The following CARD8 variants were observed in gnomAD, a reference collection of about 807,000 sequenced individuals.
The protein encoded by CARD8 is caspase recruitment domain family member 8, also known as caspase recruitment domain-containing protein 8.
In CARD8, 38 loss-of-function variants were observed where a neutral mutation model predicts 53.2. The observed-to-expected ratio is 0.71, with a 90% CI of 0.55 to 0.94. The LOEUF (loss-of-function observed/expected upper bound fraction) is 0.94. Among genes scored for constraint, CARD8 ranks in the 40% least tolerant of loss-of-function variants. The pLI, the probability that CARD8 is intolerant of heterozygous loss-of-function variation, is 0.00. For synonymous variants in CARD8, 245 were observed against 244.9 expected (o/e 1.00, Z 0.00); for missense variants, 561 against 655.5 (o/e 0.86, Z 1.57).
chr19:48,224,011 G>T, intron 10 of CARD8: 1 of 413,774 alleles, frequency 2.4e-6, no homozygotes. Flanking sequence ...ACCCAGGCTG[G>T]AGTATAGTGG....
rs1184431291 is a variant in CARD8 at position 48,215,325 on chromosome 19, A to C, written c.1348+15T>G. The C allele has an allele frequency of 1.2e-6, 2 of 1,600,588 alleles. No homozygotes were observed. Among genetic ancestry groups the C allele is most frequent in the Non-Finnish European group, 1.7e-6 (2 of 1,168,042 alleles). On this transcript the variant is annotated intron_variant, in intron 13 of 13. Transcript: ENST00000651546. Reference sequence around the variant, plus strand: ...TCATACATACCCTTGGCTTTAATGTAAACATTTCACTTACCTGAGAAAGGA... The same window carrying C: ...TCATACATACCCTTGGCTTTAATGTCAACATTTCACTTACCTGAGAAAGGA...
intron 3 of CARD8, among the ~76,000 whole-genome samples, chr19:48,245,373 C>T (rs905492779): frequency 4.6e-5 from 7 of 151,824 alleles, no homozygotes; most frequent in Non-Finnish European, 1.0e-4. Flanking sequence ...CCATGCCTGG[C>T]TAATTTTTTT....
At chr19:48,222,586 G>A (rs962878161) in intron 10 of CARD8, among the ~76,000 whole-genome samples, 61 of 152,228 alleles carry the variant, frequency 4.0e-4, no homozygotes, top group African/African-American at 1.4e-3. Context: ...CTACTCTGGA[G>A]GCTGAGGCAG....
At chr19:48,233,026 T>TTA in intron 6 of CARD8, 1 of 355,066 alleles carries the variant, frequency 2.8e-6, no homozygotes, top group South Asian at 2.2e-5. Context: ...ATGCGTAAAA[T>TTA]GTATGCATTT....
chr19:48,241,465 A>G (rs998466637), intron 3 of CARD8, among the ~76,000 whole-genome samples: 2 of 152,178 alleles, frequency 1.3e-5, no homozygotes, highest in African/African-American at 4.8e-5. Flanking sequence ...CATGTTGGTC[A>G]GGCTGGTCTC....
chr19:48,213,905 T>TGA (rs2038603513), intron 13 of CARD8, among the ~76,000 whole-genome samples: 1 of 152,202 alleles, frequency 6.6e-6, no homozygotes, highest in Non-Finnish European at 1.5e-5. Context: ...AAGTCCAAAA[T>TGA]ATTTCAACTT....
chr19:48,220,954 A>AAAGG (rs373278605), intron 11 of CARD8, among the ~76,000 whole-genome samples: 73 of 101,332 alleles, frequency 7.2e-4, no homozygotes, highest in Non-Finnish European at 1.2e-3. Context: ...AAAGGAAAGG[A>AAAGG]AAGGAAGGAA....
At chr19:48,206,378 G>T, downstream of CARD8, 1 of 448,668 alleles carries the variant, frequency 2.2e-6, no homozygotes, top group Non-Finnish European at 4.5e-6. Context: ...TTCAGGAAGC[G>T]CCTACCGTAT....
intron 10 of CARD8, among the ~76,000 whole-genome samples, chr19:48,225,573 A>T (rs2041602416): frequency 6.6e-6 from 1 of 152,150 alleles, no homozygotes; most frequent in Non-Finnish European, 1.5e-5. Context: ...TTAGGCAAAG[A>T]CTAGAAAGAG....
intron 10 of CARD8, among the ~76,000 whole-genome samples, chr19:48,222,832 CA>C (rs1459965287): frequency 2.0e-5 from 3 of 152,104 alleles, no homozygotes; most frequent in Non-Finnish European, 4.4e-5. Context: ...ATGCTAAAAA[CA>C]ATGACTGTCA....
chr19:48,223,803 T>C (rs1053960960), intron 10 of CARD8: 3 of 455,746 alleles, frequency 6.6e-6, no homozygotes, highest in South Asian at 3.1e-5. Flanking sequence ...TTCCATGTAA[T>C]ATCTTTGGTT....
chr19:48,220,621 A>G lies in CARD8; in HGVS notation c.1161+1109T>C, dbSNP rs574601016. Among the ~76,000 whole-genome samples the G allele has an allele frequency of 3.9e-5, 6 of 152,178 alleles. No individual in the cohort carries two copies. In the South Asian group the frequency reaches 8.3e-4, roughly 21 times the overall value. ...ACATATGCTGTGAGACATCTTTGAA[A>G]ATCTATTTGGGGCCAGGTGTGGTGG... On this transcript the variant is annotated intron_variant, in intron 11 of 13. Transcript: ENST00000651546.
rs756865136 is a variant in CARD8 at position 48,230,465 on chromosome 19, A to G, written c.1008T>C (p.Leu336=). ...TTGTTAGCAAGGCGTCGCTGGGGAC[A>G]AGGTACAAGTGGAACTTAATATCTT... ...HPEDIKFHLY[L]VPSDALLTKA... The change falls in exon 10 of 14, where the codon CTT becomes CTC. Residue 336 remains leucine (L), a synonymous_variant. Transcript: ENST00000651546. The G allele has an allele frequency of 6.2e-7, 1 of 1,611,440 alleles. No individual in the cohort carries two copies. The highest frequency in any genetic ancestry group is 8.5e-7 in the Non-Finnish European group (1 of 1,178,182).
chr19:48,239,130 A>G (rs10416565), intron 4 of CARD8, among the ~76,000 whole-genome samples: 8,497 of 152,262 alleles, frequency 0.056, 592 homozygotes, highest in African/African-American at 0.17. Flanking sequence ...TGTTTGCACA[A>G]CACTGAATGG....
Position 48,234,667 on chromosome 19 carries a change from T to C in CARD8, c.210-124A>G. ...CAATATTTTATCTTAGGGAAGTCATTCCTCAGGCCCCTACGACTCCATCTC... is the reference window on the plus strand; with the variant it reads ...CAATATTTTATCTTAGGGAAGTCATCCCTCAGGCCCCTACGACTCCATCTC... On this transcript the variant is annotated intron_variant, in intron 5 of 13. Transcript: ENST00000651546. The C allele has an allele frequency of 6.1e-6, 5 of 820,562 alleles. 1 individual carries two copies. In the South Asian group the frequency reaches 9.1e-5, roughly 15 times the overall value. 50.8% of individuals were successfully genotyped at this position (820,562 alleles called of 1,614,324 possible). A position where few individuals can be genotyped will look rare whatever the true frequency, so the allele number is the denominator to read the frequency against.
chr19:48,218,154 T>TCC (rs890065305), intron 12 of CARD8, among the ~76,000 whole-genome samples: 11 of 112,734 alleles, frequency 9.8e-5, no homozygotes, highest in African/African-American at 3.5e-4. Context: ...GACAATAGAT[T>TCC]TCTCTTTTTT....
At chr19:48,238,328 A>G in intron 5 of CARD8, 55 bp downstream of exon 5, 1 of 1,520,300 alleles carries the variant, frequency 6.6e-7, no homozygotes, top group Non-Finnish European at 8.8e-7. Context: ...TACATAAACC[A>G]ATGGAGCAAA....
At chr19:48,239,017 T>C (rs1162584917) in intron 4 of CARD8, among the ~76,000 whole-genome samples, 1 of 152,238 alleles carries the variant, frequency 6.6e-6, no homozygotes, top group Non-Finnish European at 1.5e-5. Context: ...TACTGGCTTC[T>C]GAAAGGATAC....
intron 10 of CARD8, chr19:48,223,829 C>G (rs10421737): frequency 0.031 from 13,979 of 455,904 alleles, 757 homozygotes; most frequent in African/African-American, 0.16. Context: ...GTTTTTGCCT[C>G]TTTTGTTCAC....
Sources: gnomAD v4.1 joint callset for allele counts (sites outside exome capture counted in the v4.1 genomes callset) on GRCh38, gnomAD v4.1.1 for gene constraint, MANE v1.5 for transcripts, NCBI Gene and HGNC (gene_info 2026-07-23, HGNC 2026-07-21) for gene names.